RYR3: variants seen among roughly 807,000 people sequenced by gnomAD.
RYR3 encodes brain ryanodine receptor-calcium release channel.
Under a neutral mutation model 584.3 loss-of-function variants are expected in RYR3, and 207 were observed. That is an observed-to-expected ratio of 0.35 (90% CI 0.32 to 0.40). RYR3 has a LOEUF of 0.40. Ranked by LOEUF, RYR3 falls within the 10% of genes least tolerant of loss-of-function variation. The pLI, the probability that RYR3 is intolerant of heterozygous loss-of-function variation, is 1.00. For missense variants in RYR3, 5,616 were observed against 6,089.2 expected, an observed-to-expected ratio of 0.92 and a Z score of 2.59; for synonymous variants, 2,416 against 2,248.5, an observed-to-expected ratio of 1.07 and a Z score of -2.11.
At chr15:33,541,793 G>A (rs2055842922) in intron 7 of RYR3, among the ~76,000 whole-genome samples, 1 of 152,084 alleles carries the variant, frequency 6.6e-6, no homozygotes, top group South Asian at 2.1e-4. Context: ...AACTCTTTTG[G>A]CAACAAGTGG....
chr15:33,344,492 A>T (rs1420028114), intron 1 of RYR3, among the ~76,000 whole-genome samples: 1 of 151,958 alleles, frequency 6.6e-6, no homozygotes, highest in Non-Finnish European at 1.5e-5. Context: ...TTTAGTGGAC[A>T]ATATATATAT....
At chr15:33,775,890 A>G (rs1353798834) in intron 64 of RYR3, among the ~76,000 whole-genome samples, 5 of 152,224 alleles carry the variant, frequency 3.3e-5, no homozygotes, top group African/African-American at 4.8e-5. Context: ...ACAGAGGCCA[A>G]AGTCCTCTTC....
intron 3 of RYR3, among the ~76,000 whole-genome samples, chr15:33,526,574 A>T (rs910391347): frequency 6.6e-6 from 1 of 152,086 alleles, no homozygotes; most frequent in African/African-American, 2.4e-5. Context: ...TTGTAGTTAG[A>T]CCTAAGTTCA....
At chr15:33,566,937 T>C (rs373230657) in intron 12 of RYR3, 138 bp downstream of exon 12, 1 of 1,000,456 alleles carries the variant, frequency 1.0e-6, no homozygotes, top group Non-Finnish European at 1.5e-6. Flanking sequence ...CATCAAGAGC[T>C]TGAGACTGAA....
chr15:33,756,217 C>T, intron 58 of RYR3, 89 bp from the exon 59 acceptor site: 1 of 867,448 alleles, frequency 1.2e-6, no homozygotes, highest in Non-Finnish European at 1.9e-6. Context: ...TTTAAATAGC[C>T]TTTAGAAAAG....
At position 33,399,305 on chromosome 15, in the gene RYR3, C is replaced by T. The variant is rs1416600962; in HGVS notation, c.52-74114C>T. ...CTGCATTGTTACATTTCAATAGACT[C>T]GCTGAGCCAGAACCAAGCTCTCTTC... On this transcript the variant is annotated intron_variant, in intron 1 of 103. Coordinates refer to ENST00000634891, the MANE Select transcript of RYR3 (RefSeq NM_001036.6). 3.3e-5 allele frequency among the ~76,000 whole-genome samples: 5 copies of T among 152,170 alleles called. No homozygotes were observed. In the East Asian group the frequency reaches 5.8e-4, roughly 18 times the overall value.
At position 33,761,909 on chromosome 15, in the gene RYR3, C is replaced by T. The variant is rs763429314; in HGVS notation, c.8705+4313C>T. Reference sequence around the variant, plus strand: ...GCAGCACATCAAAAAGCTTATCCAACACAATCAAGTCGACTTTATCCCTGG... The same window carrying T: ...GCAGCACATCAAAAAGCTTATCCAATACAATCAAGTCGACTTTATCCCTGG... On this transcript the variant is annotated intron_variant, in intron 60 of 103. Coordinates refer to ENST00000634891, the MANE Select transcript of RYR3 (RefSeq NM_001036.6). Among the ~76,000 whole-genome samples, 3 of 152,186 alleles carry T rather than the reference C, an allele frequency of 2.0e-5. No homozygotes were observed. In the South Asian group the frequency reaches 6.2e-4, roughly 32 times the overall value.
At chr15:33,609,223 T>C (rs1306874816) in intron 18 of RYR3, among the ~76,000 whole-genome samples, 1 of 152,252 alleles carries the variant, frequency 6.6e-6, no homozygotes, top group African/African-American at 2.4e-5. Context: ...TTGTCCAGTG[T>C]AGCATTTCAA....
At chr15:33,774,192 G>C (rs1341098536) in intron 64 of RYR3, among the ~76,000 whole-genome samples, 5 of 152,188 alleles carry the variant, frequency 3.3e-5, no homozygotes, top group African/African-American at 1.2e-4. Flanking sequence ...TCACAGCAGA[G>C]ACCCTCGGTG....
chr15:33,857,806 CGTGGTGGTTTATCTCTATACT>C lies in RYR3; in HGVS notation c.14042_14062del (p.Val4681_Val4687del). The C allele has an allele frequency of 6.2e-7, 1 of 1,614,114 alleles. No individual in the cohort carries two copies. The highest frequency in any genetic ancestry group is 8.5e-7 in the Non-Finnish European group (1 of 1,179,980). ...TGGTTCTGACTGTCGGTCTCCTGGC[CGTGGTGGTTTATCTCTATACT>C]GTGGTGGCTTTCAACTTCTTCCGCA... is the stretch of plus-strand genomic sequence containing the variant. On this transcript the variant is annotated inframe_deletion, in exon 99 of 104. Transcript: ENST00000634891.
At chr15:33,333,668 A>G (rs1595745835) in intron 1 of RYR3, among the ~76,000 whole-genome samples, 1 of 152,176 alleles carries the variant, frequency 6.6e-6, no homozygotes. Flanking sequence ...ACTCCTATTC[A>G]GCGTAGTATT....
chr15:33,319,428 A>G (rs927658489), intron 1 of RYR3, among the ~76,000 whole-genome samples: 1 of 152,176 alleles, frequency 6.6e-6, no homozygotes, highest in Non-Finnish European at 1.5e-5. Flanking sequence ...CTATTGTTCC[A>G]ATTTAGGACA....
chr15:33,502,484 C>T (rs2052079645), intron 2 of RYR3, among the ~76,000 whole-genome samples: 3 of 152,062 alleles, frequency 2.0e-5, no homozygotes, highest in Admixed American at 6.6e-5. Flanking sequence ...TGATGTTCTG[C>T]CAATATCATG....
At chr15:33,502,051 A>C (rs1005813738) in intron 2 of RYR3, among the ~76,000 whole-genome samples, 1 of 152,218 alleles carries the variant, frequency 6.6e-6, no homozygotes, top group African/African-American at 2.4e-5. Flanking sequence ...CCTTGAGTAG[A>C]AAAGTATTTA....
intron 1 of RYR3, among the ~76,000 whole-genome samples, chr15:33,425,899 C>T (rs960493095): frequency 2.0e-5 from 3 of 152,248 alleles, no homozygotes; most frequent in South Asian, 4.1e-4. Flanking sequence ...GCCTTGGCCT[C>T]CCAAAGTGCT....
chr15:33,360,917 A>G (rs776895307), intron 1 of RYR3, among the ~76,000 whole-genome samples: 1 of 152,132 alleles, frequency 6.6e-6, no homozygotes. Flanking sequence ...GAGGTTGCAC[A>G]CCCACTTCCC....
chr15:33,698,197 C>A (rs1453798934), intron 40 of RYR3, among the ~76,000 whole-genome samples: 1 of 152,182 alleles, frequency 6.6e-6, no homozygotes, highest in Admixed American at 6.5e-5. Flanking sequence ...GCTCTTGAAG[C>A]TTGGAGACTT....
intron 55 of RYR3, 64 bp from the exon 56 acceptor site, chr15:33,749,915 C>A: frequency 1.4e-6 from 2 of 1,438,902 alleles, no homozygotes; most frequent in Non-Finnish European, 1.9e-6. Context: ...AATGACCTAG[C>A]AGCTATGAAG....
intron 16 of RYR3, among the ~76,000 whole-genome samples, chr15:33,593,129 G>A (rs1186505187): frequency 6.6e-6 from 1 of 152,224 alleles, no homozygotes; most frequent in Admixed American, 6.5e-5. Flanking sequence ...AATCAGATAT[G>A]CATCTATCTC....
Sources: gnomAD v4.1 joint callset for allele counts (sites outside exome capture counted in the v4.1 genomes callset) on GRCh38, gnomAD v4.1.1 for gene constraint, MANE v1.5 for transcripts, NCBI Gene and HGNC (gene_info 2026-07-23, HGNC 2026-07-21) for gene names.